AGBL1: variants seen among roughly 807,000 people sequenced by gnomAD.
AGBL1 encodes the protein AGBL carboxypeptidase 1.
AGBL1 carries 130 observed loss-of-function variants against 118.9 expected under a neutral mutation model. The observed-to-expected ratio is 1.09, with a 90% confidence interval of 0.95 to 1.26. AGBL1 has a LOEUF of 1.26. AGBL1 is among the 50% of genes most tolerant of loss of function. The pLI is 0.00. For synonymous variants in AGBL1, 555 were observed against 478.9 expected (o/e 1.16, Z -2.08); for missense variants, 1,584 against 1,298.1 (o/e 1.22, Z -3.38).
At position 86,570,154 on chromosome 15, in the gene AGBL1, A is replaced by G. The variant is rs191015154; in HGVS notation, c.2994+15617A>G. 1.8e-3 allele frequency among the ~76,000 whole-genome samples: 278 copies of G among 152,288 alleles called. 1 individual carries two copies. Among genetic ancestry groups the G allele is most frequent in the African/African-American group, 6.5e-3 (271 of 41,558 alleles). ...GAAGGGCAGAGTCCAGGATATGAAG[A>G]GTTGTCATGGGGTATTCTCTCTGCA... On this transcript the variant is annotated intron_variant, in intron 21 of 22. Transcript: ENST00000614907.
At chr15:86,276,649 C>T (rs964083966) in intron 15 of AGBL1, among the ~76,000 whole-genome samples, 6 of 152,154 alleles carry the variant, frequency 3.9e-5, no homozygotes, top group African/African-American at 1.4e-4. Flanking sequence ...GCTATCAGGG[C>T]AGGCTTCCTG....
At chr15:86,375,160 G>T (rs182639818) in intron 17 of AGBL1, among the ~76,000 whole-genome samples, 1 of 152,108 alleles carries the variant, frequency 6.6e-6, no homozygotes, top group African/African-American at 2.4e-5. Context: ...TGCTTTGAAA[G>T]GTGCTGTATT....
In AGBL1 at chr15:86,224,860, G is replaced by A. The variant is rs1176324558; in HGVS notation, c.489-54G>A. ...GGCATGCTGGCTGTGGGATCCATGT[G>A]CTGAGAAAAAGACCATTGAATGTTG... is the stretch of plus-strand genomic sequence containing the variant. On this transcript the variant is annotated intron_variant, in intron 5 of 22. Transcript: ENST00000614907. The A allele has an allele frequency of 6.3e-6, 10 of 1,583,120 alleles. No homozygotes were observed. In the African/African-American group the frequency reaches 8.1e-5, roughly 13 times the overall value.
chr15:86,286,710 T>G (rs1567178605), intron 16 of AGBL1, among the ~76,000 whole-genome samples: 1 of 146,184 alleles, frequency 6.8e-6, no homozygotes, highest in Admixed American at 6.8e-5. Flanking sequence ...TGTGTGTATA[T>G]ATATGTGTGT....
intron 15 of AGBL1, 101 bp from the exon 16 acceptor site, chr15:86,279,538 T>C: frequency 8.7e-7 from 1 of 1,148,354 alleles, no homozygotes; most frequent in Non-Finnish European, 1.3e-6. Flanking sequence ...GCCAGGACAG[T>C]ATATAACGCA....
At chr15:86,482,541 C>T (rs992775338) in intron 18 of AGBL1, among the ~76,000 whole-genome samples, 1 of 151,990 alleles carries the variant, frequency 6.6e-6, no homozygotes, top group Non-Finnish European at 1.5e-5. Context: ...ACTTTCGATA[C>T]CTATAATTGA....
At position 86,632,545 on chromosome 15, in the gene AGBL1, G is replaced by GA. The variant is rs1422617522; in HGVS notation, c.2995-41727dup. On this transcript the variant is annotated intron_variant, in intron 21 of 22. Coordinates refer to ENST00000614907, the MANE Select transcript of AGBL1 (RefSeq NM_001386094.1). Reference sequence around the variant, plus strand: ...ACCACTCTACTATTCAGGTTGTTCAGACCTTGCTTCTGGATGTCTCATCAA... The same window carrying GA: ...ACCACTCTACTATTCAGGTTGTTCAGAACCTTGCTTCTGGATGTCTCATCAA... 3.3e-5 allele frequency among the ~76,000 whole-genome samples: 5 copies of GA among 152,214 alleles called. No homozygotes were observed. The East Asian group carries it at 7.7e-4, about 24-fold the overall frequency.
intron 22 of AGBL1, among the ~76,000 whole-genome samples, chr15:86,826,107 T>G (rs2079010436): frequency 6.6e-6 from 1 of 152,138 alleles, no homozygotes; most frequent in African/African-American, 2.4e-5. Context: ...TTTCTCCAGT[T>G]TTGCTTGTAC....
At chr15:86,947,738 G>A (rs1445131784) in intron 23 of AGBL1, among the ~76,000 whole-genome samples, 2 of 152,134 alleles carry the variant, frequency 1.3e-5, no homozygotes. Flanking sequence ...CTGAGGGCAA[G>A]TTAGCCTTAT....
chr15:86,419,169 A>G (rs1253629139), intron 18 of AGBL1, among the ~76,000 whole-genome samples: 1 of 151,896 alleles, frequency 6.6e-6, no homozygotes, highest in Non-Finnish European at 1.5e-5. Flanking sequence ...GGTGGCTGGC[A>G]AGATGGCTGA....
At chr15:86,219,688 C>T (rs1247157506) in intron 5 of AGBL1, among the ~76,000 whole-genome samples, 1 of 152,076 alleles carries the variant, frequency 6.6e-6, no homozygotes, top group Non-Finnish European at 1.5e-5. Flanking sequence ...CCACACTGTG[C>T]TATGTAGAAT....
chr15:86,880,279 G>A (rs1461495405), intron 22 of AGBL1, among the ~76,000 whole-genome samples: 2 of 152,170 alleles, frequency 1.3e-5, no homozygotes, highest in African/African-American at 4.8e-5. Flanking sequence ...CTCATTTAGA[G>A]GACTCATAGC....
intron 18 of AGBL1, among the ~76,000 whole-genome samples, chr15:86,452,017 C>G (rs751746984): frequency 3.3e-5 from 5 of 152,094 alleles, no homozygotes; most frequent in African/African-American, 4.8e-5. Context: ...TGAATTGGCT[C>G]TTATATCCTA....
intron 22 of AGBL1, among the ~76,000 whole-genome samples, chr15:86,682,767 A>G (rs977160396): frequency 3.3e-5 from 5 of 152,158 alleles, no homozygotes; most frequent in Non-Finnish European, 5.9e-5. Flanking sequence ...AAGTATGTCA[A>G]TTTATATATA....
intron 5 of AGBL1, among the ~76,000 whole-genome samples, chr15:86,182,973 G>A (rs180844326): frequency 6.6e-6 from 1 of 152,236 alleles, no homozygotes; most frequent in Admixed American, 6.5e-5. Context: ...CCCCATTATG[G>A]CTAATTCTCA....
Position 86,762,388 on chromosome 15 carries a change from C to A in AGBL1, c.3158+87952C>A, listed in dbSNP as rs1484899285. Among the ~76,000 whole-genome samples, 5 of 151,786 alleles carry A rather than the reference C, an allele frequency of 3.3e-5. No individual in the cohort carries two copies. In the East Asian group the frequency reaches 9.7e-4, roughly 30 times the overall value. On this transcript the variant is annotated intron_variant, in intron 22 of 22. Transcript: ENST00000614907. The stretch of plus-strand genomic sequence containing the variant: ...CAGAACTTAAAAAAATAAAAAATAC[C>A]CCCTGCCCCCTGCAAAAGATGAGCG...
intron 18 of AGBL1, among the ~76,000 whole-genome samples, chr15:86,422,691 C>T (rs746726215): frequency 5.3e-5 from 8 of 151,856 alleles, no homozygotes; most frequent in African/African-American, 1.9e-4. Context: ...AATAGATAGA[C>T]CACTAGCCAG....
chr15:86,253,780 G>T (rs555112294), intron 7 of AGBL1, among the ~76,000 whole-genome samples: 37 of 152,226 alleles, frequency 2.4e-4, no homozygotes, highest in Middle Eastern at 6.8e-3. Flanking sequence ...CATCTTAACT[G>T]TTTTTAAGTG....
At chr15:86,225,235 T>G (rs2078343688) in intron 6 of AGBL1, among the ~76,000 whole-genome samples, 1 of 151,950 alleles carries the variant, frequency 6.6e-6, no homozygotes, top group African/African-American at 2.4e-5. Flanking sequence ...GGGGGTATAT[T>G]GACTACTGTG....
Sources: gnomAD v4.1 joint callset for allele counts (sites outside exome capture counted in the v4.1 genomes callset) on GRCh38, gnomAD v4.1.1 for gene constraint, MANE v1.5 for transcripts, NCBI Gene and HGNC (gene_info 2026-07-23, HGNC 2026-07-21) for gene names.